FAM13A: variants seen among roughly 807,000 people sequenced by gnomAD.
FAM13A encodes family with sequence similarity 13 member A, also known as protein FAM13A.
In FAM13A, 76 loss-of-function variants were observed where a neutral mutation model predicts 129.6. The observed-to-expected ratio is 0.59, with a 90% CI of 0.49 to 0.71. The LOEUF (loss-of-function observed/expected upper bound fraction) is 0.71. Among genes scored for constraint, FAM13A ranks in the 30% least tolerant of loss-of-function variants. The pLI is 0.00. For missense variants in FAM13A, 1,108 were observed against 1,249.3 expected, an observed-to-expected ratio of 0.89 and a Z score of 1.70; for synonymous variants, 443 against 449.9, an observed-to-expected ratio of 0.98 and a Z score of 0.20.
At chr4:88,967,469 A>T (rs768217256) in intron 4 of FAM13A, among the ~76,000 whole-genome samples, 1 of 152,206 alleles carries the variant, frequency 6.6e-6, no homozygotes, top group East Asian at 1.9e-4. Flanking sequence ...AAATTCGTTT[A>T]TGAGCACGTT....
intron 2 of FAM13A, among the ~76,000 whole-genome samples, chr4:89,024,941 C>T (rs867297688): frequency 1.3e-5 from 2 of 152,234 alleles, no homozygotes; most frequent in South Asian, 2.1e-4. Context: ...ATTTCACATC[C>T]CTCATTAAGA....
At chr4:89,040,337 T>G (rs1769949753) in intron 1 of FAM13A, among the ~76,000 whole-genome samples, 1 of 152,224 alleles carries the variant, frequency 6.6e-6, no homozygotes, top group Admixed American at 6.5e-5. Context: ...TCAACTTTTA[T>G]GAATGCTTGA....
intron 4 of FAM13A, among the ~76,000 whole-genome samples, chr4:88,945,027 G>A (rs1288841422): frequency 6.6e-6 from 1 of 152,096 alleles, no homozygotes; most frequent in Non-Finnish European, 1.5e-5. Flanking sequence ...ATTTTTATGA[G>A]ACTAAACTTA....
intron 5 of FAM13A, among the ~76,000 whole-genome samples, chr4:88,925,394 C>T (rs962633129): frequency 3.3e-5 from 5 of 152,102 alleles, no homozygotes; most frequent in African/African-American, 7.2e-5. Flanking sequence ...GATGAGTTCA[C>T]ATCCTTTGTA....
intron 6 of FAM13A, among the ~76,000 whole-genome samples, chr4:88,866,763 A>C (rs866184335): frequency 3.3e-5 from 5 of 152,168 alleles, no homozygotes; most frequent in Non-Finnish European, 7.4e-5. Context: ...TCTATACTTT[A>C]TTAGTGAAAA....
chr4:88,851,217 C>T, intron 6 of FAM13A, 34 bp from the exon 7 acceptor site: 1 of 1,495,648 alleles, frequency 6.7e-7, no homozygotes, highest in Non-Finnish European at 9.0e-7. Flanking sequence ...TGGGGGAGAG[C>T]TAGATAAATG....
At chr4:88,945,990 G>GTGTGTGTATATATATATATATATATATA in intron 4 of FAM13A, among the ~76,000 whole-genome samples, 3 of 61,954 alleles carry the variant, frequency 4.8e-5, no homozygotes, top group Non-Finnish European at 8.6e-5. Context: ...GTGTGTGTGT[G>GTGTGTGTATATATATATATATATATATA]TATATATATA....
chr4:88,758,793 A>G lies in FAM13A; in HGVS notation c.1687T>C (p.Ser563Pro), dbSNP rs541024606. 1 of 1,614,016 alleles carries G rather than the reference A, an allele frequency of 6.2e-7. No homozygotes were observed. The highest frequency in any genetic ancestry group is 2.2e-5 in the East Asian group (1 of 44,874). ...EESFVSEVPQSDLTALCDEKN... is the reference protein window; with the variant it reads ...EESFVSEVPQPDLTALCDEKN... ...TCATCACACAATGCAGTCAGGTCCG[A>G]CTGGGGCACTTCGGAGACAAAGCTC... The change falls in exon 14 of 24, where the codon TCG (serine) becomes CCG (proline). Residue 563 changes from serine (S) to proline (P), a missense_variant. By Grantham distance (74) the Ser-to-Pro change is moderately conservative (BLOSUM62 -1). Transcript: ENST00000264344.
At chr4:88,930,134 C>T (rs1440810973) in intron 5 of FAM13A, among the ~76,000 whole-genome samples, 3 of 152,052 alleles carry the variant, frequency 2.0e-5, no homozygotes, top group Non-Finnish European at 4.4e-5. Context: ...TATCTTGCAT[C>T]TCATTGAGCT....
intron 3 of FAM13A, among the ~76,000 whole-genome samples, chr4:89,019,840 C>G (rs1286978965): frequency 2.7e-5 from 4 of 150,870 alleles, no homozygotes; most frequent in Non-Finnish European, 4.4e-5. Context: ...TTTTACCTCA[C>G]GAAATGAACA....
At position 89,056,935 on chromosome 4, in the gene FAM13A, T is replaced by TA. The variant is rs776179201; in HGVS notation, c.27+2dup. 6 of 1,613,190 alleles carry TA rather than the reference T, an allele frequency of 3.7e-6. No individual in the cohort carries two copies. The East Asian group carries it at 1.3e-4, about 36-fold the overall frequency. ...CAGAAGACAGAAGAAGGCCTATACT[T>TA]ACACAGATGGCTAGAGCTCCTGCCC... On this transcript the variant is annotated splice_region_variant and intron_variant, in intron 1 of 23. Transcript: ENST00000264344.
chr4:88,945,489 T>C (rs1455804878), intron 4 of FAM13A, among the ~76,000 whole-genome samples: 2 of 152,260 alleles, frequency 1.3e-5, no homozygotes, highest in Non-Finnish European at 2.9e-5. Flanking sequence ...GTAGGCCTTC[T>C]TCTTTCTCTT....
In FAM13A at chr4:88,764,672, T is replaced by C. The variant is rs965030028; in HGVS notation, c.1578+2881A>G. Among the ~76,000 whole-genome samples the C allele has an allele frequency of 5.3e-5, 8 of 152,196 alleles. No individual in the cohort carries two copies. The South Asian group carries it at 8.3e-4, about 16-fold the overall frequency. ...AAGAACAAAGACTCTAGATTTTGCA[T>C]GCCCAGGGAGCAGTGTGCTAGGCTC... On this transcript the variant is annotated intron_variant, in intron 13 of 23. Transcript: ENST00000264344.
At chr4:89,048,735 T>C (rs1579930861) in intron 1 of FAM13A, among the ~76,000 whole-genome samples, 1 of 152,204 alleles carries the variant, frequency 6.6e-6, no homozygotes, top group East Asian at 1.9e-4. Context: ...TAACATATTA[T>C]TGCTTTTCAA....
At chr4:88,914,839 C>T (rs779733161) in intron 5 of FAM13A, among the ~76,000 whole-genome samples, 80 of 152,198 alleles carry the variant, frequency 5.3e-4, no homozygotes, top group Non-Finnish European at 7.5e-4. Context: ...TCACATTTCC[C>T]TTCCTTTTAG....
chr4:88,930,706 T>C (rs1197252354), intron 5 of FAM13A, among the ~76,000 whole-genome samples: 3 of 152,102 alleles, frequency 2.0e-5, no homozygotes, highest in Non-Finnish European at 4.4e-5. Flanking sequence ...TGTGAGAGTA[T>C]TGGGCTACAT....
At chr4:88,761,473 G>A (rs58625141) in intron 13 of FAM13A, among the ~76,000 whole-genome samples, 8,557 of 152,214 alleles carry the variant, frequency 0.056, 539 homozygotes, top group East Asian at 0.3. Flanking sequence ...TAGTGTATCC[G>A]TCATGAATCA....
At chr4:88,754,284 T>C (rs1299867751) in intron 14 of FAM13A, among the ~76,000 whole-genome samples, 1 of 152,190 alleles carries the variant, frequency 6.6e-6, no homozygotes, top group Non-Finnish European at 1.5e-5. Flanking sequence ...AAAAAAAGAC[T>C]AGGCCCTGGG....
At position 88,731,456 on chromosome 4, in the gene FAM13A, ATTAAG is replaced by A. The variant is rs1560827996; in HGVS notation, c.2844-33_2844-29del. 3.0e-6 allele frequency: 4 copies of A among 1,341,136 alleles called. No individual in the cohort carries two copies. In the African/African-American group the frequency reaches 4.3e-5, roughly 15 times the overall value. 83.1% of individuals were successfully genotyped at this position (1,341,136 alleles called of 1,614,324 possible). ...AAGAGAGAGGAAGCATTGCAAGGAA[ATTAAG>A]TTAAATTTGAGTTGTCATAAATGTG... On this transcript the variant is annotated intron_variant, in intron 22 of 23. Transcript: ENST00000264344.
Sources: gnomAD v4.1 joint callset for allele counts (sites outside exome capture counted in the v4.1 genomes callset) on GRCh38, gnomAD v4.1.1 for gene constraint, MANE v1.5 for transcripts, NCBI Gene and HGNC (gene_info 2026-07-23, HGNC 2026-07-21) for gene names.